RGS7: variants seen among roughly 807,000 people sequenced by gnomAD.
RGS7 encodes the protein regulator of G-protein signaling 7.
In RGS7, 27 loss-of-function variants were observed where a neutral mutation model predicts 81.1. The ratio of observed to expected loss-of-function variants is 0.33; its 90% confidence interval spans 0.25 to 0.46. The LOEUF (loss-of-function observed/expected upper bound fraction) is 0.46, where lower values mean the gene tolerates loss of function less well. Ranked by LOEUF, RGS7 falls within the 20% of genes least tolerant of loss-of-function variation. RGS7 has a pLI of 1.00. For synonymous variants in RGS7, 208 were observed against 207.7 expected, an observed-to-expected ratio of 1.00 and a Z score of -0.01; for missense variants, 396 against 607.4, an observed-to-expected ratio of 0.65 and a Z score of 3.66.
At chr1:240,783,605 G>C (rs1444957001) in intron 18 of RGS7, among the ~76,000 whole-genome samples, 1 of 151,414 alleles carries the variant, frequency 6.6e-6, no homozygotes. Context: ...TCTGGGTGAC[G>C]GAGCGAGACT....
At chr1:240,847,870 G>A (rs562473973) in intron 9 of RGS7, among the ~76,000 whole-genome samples, 115 of 152,174 alleles carry the variant, frequency 7.6e-4, no homozygotes, top group African/African-American at 2.7e-3. Context: ...AACACGACAT[G>A]ACCAAGTAGG....
intron 2 of RGS7, among the ~76,000 whole-genome samples, chr1:241,200,399 A>G (rs997415976): frequency 1.3e-5 from 2 of 152,188 alleles, no homozygotes; most frequent in Admixed American, 6.5e-5. Flanking sequence ...ACGTCCATGT[A>G]ACCAACACCC....
intron 4 of RGS7, among the ~76,000 whole-genome samples, chr1:240,980,192 G>A (rs1198366757): frequency 6.6e-6 from 1 of 152,148 alleles, no homozygotes; most frequent in Non-Finnish European, 1.5e-5. Context: ...CTGGATTGCT[G>A]TAATAGAAAT....
rs764145679 is a variant in RGS7, at chr1:241,164,184, G to C, written c.79-65422C>G. On this transcript the variant is annotated intron_variant, in intron 2 of 18. Coordinates refer to ENST00000440928, the MANE Select transcript of RGS7 (RefSeq NM_001364886.1). This position sits in a 1 kb window ranked among gnomAD's most constrained non-coding sequence, Gnocchi z 4.1. The stretch of plus-strand genomic sequence containing the variant: ...TAGGGTGAGGTATGGAGGAAGGGTT[G>C]TGGAGCTTCCATGACCTTCCTGAAT... Among the ~76,000 whole-genome samples the C allele has an allele frequency of 6.6e-6, 1 of 152,068 alleles. No homozygotes were observed. The highest frequency in any genetic ancestry group is 2.4e-5 in the African/African-American group (1 of 41,412).
At chr1:241,004,282 A>G (rs2058574422) in intron 3 of RGS7, among the ~76,000 whole-genome samples, 1 of 152,010 alleles carries the variant, frequency 6.6e-6, no homozygotes, top group Admixed American at 6.6e-5. Flanking sequence ...TTGGTAATTC[A>G]TTTTCCACCA....
intron 6 of RGS7, among the ~76,000 whole-genome samples, chr1:240,889,880 C>A (rs1392337222): frequency 1.3e-5 from 2 of 152,104 alleles, no homozygotes; most frequent in African/African-American, 4.8e-5. Context: ...CCATCGCATG[C>A]GCACACTAGA....
intron 3 of RGS7, among the ~76,000 whole-genome samples, chr1:241,068,857 G>C (rs2062253742): frequency 6.6e-6 from 1 of 152,150 alleles, no homozygotes; most frequent in Non-Finnish European, 1.5e-5. Context: ...GATCATGAGG[G>C]TGGATTTCTC....
chr1:241,054,501 G>A (rs1375928684), intron 3 of RGS7, among the ~76,000 whole-genome samples: 1 of 152,166 alleles, frequency 6.6e-6, no homozygotes, highest in African/African-American at 2.4e-5. Context: ...ATGATTCTCA[G>A]TTAATGTCAT....
rs1225814761 is a variant in RGS7 at position 240,868,516 on chromosome 1, T to C, written c.609+71A>G. 3 of 1,340,592 alleles carry C rather than the reference T, an allele frequency of 2.2e-6. No individual in the cohort carries two copies. In the East Asian group the frequency reaches 6.9e-5, roughly 31 times the overall value. The allele number at this position is 1,340,592 out of a possible 1,614,324, so 83.0% of individuals were successfully genotyped here. ...GGGTCACTACAGTCTTTCACTTACTTTGGCAGGGCACCCCTCACTTCCCAC... is the reference window on the plus strand; with the variant it reads ...GGGTCACTACAGTCTTTCACTTACTCTGGCAGGGCACCCCTCACTTCCCAC... On this transcript the variant is annotated intron_variant, in intron 9 of 18. Coordinates refer to ENST00000440928, the MANE Select transcript of RGS7 (RefSeq NM_001364886.1). The surrounding 1 kb of genome is among the most constrained non-coding windows in gnomAD (Gnocchi z 5.1).
chr1:241,045,555 G>C (rs567260636), intron 3 of RGS7, among the ~76,000 whole-genome samples: 6 of 152,120 alleles, frequency 3.9e-5, no homozygotes, highest in Non-Finnish European at 5.9e-5. Context: ...GTGGAGACAG[G>C]GTTTTACTAT....
chr1:241,312,674 C>G (rs1281803784), intron 2 of RGS7, among the ~76,000 whole-genome samples: 1 of 152,140 alleles, frequency 6.6e-6, no homozygotes, highest in Non-Finnish European at 1.5e-5. Flanking sequence ...TCCCACTCCT[C>G]GGGCCCCTCT....
intron 18 of RGS7, among the ~76,000 whole-genome samples, chr1:240,788,980 ATACAAAAAT>A (rs1685514385): frequency 6.6e-6 from 1 of 152,202 alleles, no homozygotes; most frequent in Non-Finnish European, 1.5e-5. Flanking sequence ...TCTACTAAAA[ATACAAAAAT>A]TAGCCAAGTG....
At chr1:241,072,636 G>T (rs2062543548) in intron 3 of RGS7, among the ~76,000 whole-genome samples, 1 of 152,158 alleles carries the variant, frequency 6.6e-6, no homozygotes, top group Non-Finnish European at 1.5e-5. Context: ...GTGTCCTGTG[G>T]GGACAGGGAT....
chr1:241,314,756 C>T (rs542252621), intron 2 of RGS7, among the ~76,000 whole-genome samples: 2 of 152,210 alleles, frequency 1.3e-5, no homozygotes, highest in East Asian at 1.9e-4. Flanking sequence ...CAGACACCAT[C>T]GGAATTTGTA....
intron 2 of RGS7, among the ~76,000 whole-genome samples, chr1:241,310,471 G>T (rs1330147838): frequency 1.0e-5 from 1 of 99,574 alleles, no homozygotes; most frequent in African/African-American, 2.8e-5. Flanking sequence ...GAGTGTGTGT[G>T]TCTGTGTGTC....
intron 2 of RGS7, among the ~76,000 whole-genome samples, chr1:241,334,855 C>CAGACTTTTTAAATAAATGTGAA (rs149837965): frequency 6.6e-6 from 1 of 152,110 alleles, no homozygotes; most frequent in African/African-American, 2.4e-5. Flanking sequence ...TTGTGTTACA[C>CAGACTTTTTAAATAAATGTGAA]TACAGAATAA....
At chr1:241,024,968 A>G (rs549538489) in intron 3 of RGS7, among the ~76,000 whole-genome samples, 7 of 152,328 alleles carry the variant, frequency 4.6e-5, no homozygotes, top group African/African-American at 1.7e-4. Flanking sequence ...CTAATTTTAG[A>G]AACTTTCAAG....
chr1:240,794,233 T>C (rs1378884474), intron 18 of RGS7, among the ~76,000 whole-genome samples: 1 of 152,138 alleles, frequency 6.6e-6, no homozygotes, highest in Non-Finnish European at 1.5e-5. Context: ...AAGAACTTTC[T>C]GAATACTCTA....
In RGS7 at chr1:240,997,528, CA is replaced by C. The variant is rs564571549; in HGVS notation, c.176-14400del. Among the ~76,000 whole-genome samples, 330 of 152,080 alleles carry C rather than the reference CA, an allele frequency of 2.2e-3. 1 individual carries two copies. Among genetic ancestry groups the C allele is most frequent in the African/African-American group, 7.7e-3 (320 of 41,494 alleles). On this transcript the variant is annotated intron_variant, in intron 3 of 18. Transcript: ENST00000440928. ...TTTTTTCTTCAACAATCAAAACAATCAAAAAAATTCAGAAGGATGGGTGCAG... is the reference window on the plus strand; with the variant it reads ...TTTTTTCTTCAACAATCAAAACAATCAAAAAATTCAGAAGGATGGGTGCAG...
Sources: allele counts gnomAD v4.1 joint callset (sites outside exome capture counted in the v4.1 genomes callset), GRCh38; gene constraint gnomAD v4.1.1; non-coding constraint Gnocchi (gnomAD v3.1); transcripts MANE v1.5; gene names NCBI Gene and HGNC (gene_info 2026-07-23, HGNC 2026-07-21).